The following CLEC4A variants were observed in gnomAD, a reference collection of about 807,000 sequenced individuals.
CLEC4A encodes C-type lectin domain family 4 member A.
Under a neutral mutation model 32.7 loss-of-function variants are expected in CLEC4A, and 27 were observed. That is an observed-to-expected ratio of 0.83 (90% confidence interval 0.61 to 1.14). CLEC4A has a LOEUF of 1.14. Among genes scored for constraint, CLEC4A ranks in the 50% most tolerant of loss-of-function variants. The pLI, the probability that CLEC4A is intolerant of heterozygous loss-of-function variation, is 0.00. For missense variants in CLEC4A, 253 were observed against 274.6 expected (o/e 0.92, Z 0.55); for synonymous variants, 89 against 93.7 (o/e 0.95, Z 0.29).
chr12:8,103,479 C>A, the CLEC4A span, among the ~76,000 whole-genome samples: 2 of 145,518 alleles, frequency 1.4e-5, no homozygotes, highest in Non-Finnish European at 3.0e-5. Context: ...CTTTGCCTCC[C>A]GGCTTCACAC....
intron 5 of CLEC4A, 107 bp downstream of exon 5, chr12:8,137,010 C>A: frequency 1.6e-6 from 1 of 639,042 alleles, no homozygotes; most frequent in Non-Finnish European, 2.8e-6. Context: ...CTTCTTTTAG[C>A]TCTTGGGTAC....
rs143094171 is a variant in CLEC4A at position 8,131,824 on chromosome 12, C to CTATATA, written c.298+2472_298+2477dup. On this transcript the variant is annotated intron_variant, in intron 3 of 5. Transcript: ENST00000229332. Reference sequence around the variant, plus strand: ...CATGTACTCATGGAGATATATATATCTATATATATATATATCTCTTCAACT... The same window carrying CTATATA: ...CATGTACTCATGGAGATATATATATCTATATATATATATATATATATCTCTTCAACT... Among the ~76,000 whole-genome samples, 4 of 148,052 alleles carry CTATATA rather than the reference C, an allele frequency of 2.7e-5. No individual in the cohort carries two copies. The South Asian group carries it at 8.5e-4, about 32-fold the overall frequency.
the CLEC4A span, among the ~76,000 whole-genome samples, chr12:8,103,720 G>A: frequency 6.6e-6 from 1 of 152,044 alleles, no homozygotes; most frequent in Admixed American, 6.6e-5. Context: ...AGTATTGAGT[G>A]CTTGCTAAAT....
chr12:8,131,327 T>C (rs939756794), intron 3 of CLEC4A, among the ~76,000 whole-genome samples: 5 of 152,212 alleles, frequency 3.3e-5, no homozygotes, highest in African/African-American at 4.8e-5. Context: ...TGGGGAGTTA[T>C]GCTCTCCATT....
the CLEC4A span, among the ~76,000 whole-genome samples, chr12:8,108,295 T>A: frequency 6.6e-6 from 1 of 152,192 alleles, no homozygotes; most frequent in South Asian, 2.1e-4. Context: ...TATAGACTTT[T>A]TGGCCTGGGG....
At chr12:8,137,889 C>T (rs1187962185) in intron 5 of CLEC4A, among the ~76,000 whole-genome samples, 1 of 152,072 alleles carries the variant, frequency 6.6e-6, no homozygotes, top group East Asian at 1.9e-4. Flanking sequence ...AGAAGAGAAC[C>T]TCTAGAAAAT....
intron 2 of CLEC4A, among the ~76,000 whole-genome samples, chr12:8,126,328 C>T (rs1947901281): frequency 6.6e-6 from 1 of 152,006 alleles, no homozygotes; most frequent in Admixed American, 6.6e-5. Context: ...CCCCAGCCTC[C>T]CAAGTAGCTG....
At chr12:8,137,935 A>G (rs373900222) in intron 5 of CLEC4A, among the ~76,000 whole-genome samples, 9 of 152,314 alleles carry the variant, frequency 5.9e-5, no homozygotes, top group African/African-American at 2.2e-4. Context: ...AAGGTAGAGA[A>G]CATTGAGTGA....
intron 5 of CLEC4A, among the ~76,000 whole-genome samples, 200 bp from the exon 6 acceptor site, chr12:8,137,940 G>A (rs1365454066): frequency 2.0e-5 from 3 of 152,142 alleles, no homozygotes; most frequent in Non-Finnish European, 2.9e-5. Context: ...AGAGAACATT[G>A]AGTGACATAG....
At chr12:8,133,821 A>C in intron 3 of CLEC4A, 8 of 1,585,820 alleles carry the variant, frequency 5.0e-6, no homozygotes, top group Non-Finnish European at 6.9e-6. Flanking sequence ...ACAGGGGGAA[A>C]GGCTTCCCCC....
intron 3 of CLEC4A, among the ~76,000 whole-genome samples, chr12:8,133,017 C>T (rs199613485): frequency 3.3e-5 from 5 of 152,026 alleles, no homozygotes; most frequent in African/African-American, 4.8e-5. Context: ...TGGGTTCAAG[C>T]GATTCTCTTG....
intron 3 of CLEC4A, among the ~76,000 whole-genome samples, chr12:8,135,047 CTTTTTTT>C (rs1187858911): frequency 1.1e-4 from 1 of 9,022 alleles, no homozygotes; most frequent in African/African-American, 3.1e-4. Flanking sequence ...ATTTTATTAT[CTTTTTTT>C]TTTTTTTTTT....
chr12:8,133,988 C>T, intron 3 of CLEC4A: 1 of 1,607,508 alleles, frequency 6.2e-7, no homozygotes, highest in South Asian at 1.1e-5. Context: ...ATAGCCACTG[C>T]TTGATCGCTT....
At chr12:8,103,373 GTTGTTTT>G in the CLEC4A span, among the ~76,000 whole-genome samples, 19 of 78,024 alleles carry the variant, frequency 2.4e-4, 4 homozygotes, top group East Asian at 8.0e-4. Flanking sequence ...GTTTCTTTCT[GTTGTTTT>G]TTTTTTTTTT....
At chr12:8,103,371 C>CTTTTT in the CLEC4A span, among the ~76,000 whole-genome samples, 9 of 49,024 alleles carry the variant, frequency 1.8e-4, 2 homozygotes, top group Admixed American at 1.1e-3. Context: ...TTGTTTCTTT[C>CTTTTT]TGTTGTTTTT....
At chr12:8,112,935 C>T in the CLEC4A span, among the ~76,000 whole-genome samples, 3 of 152,118 alleles carry the variant, frequency 2.0e-5, no homozygotes, top group Non-Finnish European at 4.4e-5. Flanking sequence ...ATGAATAATA[C>T]AGTTAATAAC....
chr12:8,130,775 T>A (rs1947982918), intron 3 of CLEC4A, among the ~76,000 whole-genome samples: 1 of 152,232 alleles, frequency 6.6e-6, no homozygotes, highest in Non-Finnish European at 1.5e-5. Context: ...ACACATGCTC[T>A]CCCCTATTGT....
In CLEC4A at chr12:8,135,734, C is replaced by A; in HGVS notation, c.448C>A (p.Gln150Lys). 6.2e-7 allele frequency: 1 copy of A among 1,613,692 alleles called. No homozygotes were observed. ...GCTGGTGATAAACACTCAAGAAGAG[C>A]AGGTACTTTCTAATAGATAATGGGG... ...HLLVINTQEE[Q>K]DFIFQNLQEE... The change falls in exon 4 of 6, where the codon CAG becomes AAG. Residue 150 changes from glutamine (Q) to lysine (K), a missense_variant and splice_region_variant. Coordinates refer to ENST00000229332, the MANE Select transcript of CLEC4A (RefSeq NM_016184.4).
chr12:8,126,774 G>A (rs767729267), intron 2 of CLEC4A, among the ~76,000 whole-genome samples: 6 of 152,158 alleles, frequency 3.9e-5, no homozygotes, highest in East Asian at 1.9e-4. Context: ...TAGGCTTTCC[G>A]GAGGAGGTGA....
Sources: gnomAD v4.1 joint callset for allele counts (sites outside exome capture counted in the v4.1 genomes callset) on GRCh38, gnomAD v4.1.1 for gene constraint, MANE v1.5 for transcripts, NCBI Gene and HGNC (gene_info 2026-07-23, HGNC 2026-07-21) for gene names.